MARCHF11: variants seen among roughly 807,000 people sequenced by gnomAD.
The protein encoded by MARCHF11 is membrane associated ring-CH-type finger 11.
Under a neutral mutation model 37.3 loss-of-function variants are expected in MARCHF11, and 29 were observed. The observed-to-expected ratio is 0.78, with a 90% confidence interval of 0.58 to 1.06. MARCHF11 has a LOEUF of 1.06. Ranked by LOEUF, MARCHF11 falls within the 50% of genes least tolerant of loss-of-function variation. The probability of loss-of-function intolerance (pLI) is 0.00; values close to 1 mark genes in which losing one functional copy is unlikely to be tolerated. For missense variants in MARCHF11, 482 were observed against 533.4 expected, an observed-to-expected ratio of 0.90 and a Z score of 0.95; for synonymous variants, 233 against 228.0, an observed-to-expected ratio of 1.02 and a Z score of -0.20.
rs56782867 is a variant in MARCHF11 at position 16,085,939 on chromosome 5, C to CAAAAAAAAAAAAA, written c.886+4937_886+4949dup. ...TGGGCGAAAGAGCAAGACTCCATCTCAAAAAAAAAAAAAAAAAAAAAAAAA... is the reference window on the plus strand; with the variant it reads ...TGGGCGAAAGAGCAAGACTCCATCTCAAAAAAAAAAAAAAAAAAAAAAAAAAAAAAAAAAAAAA... On this transcript the variant is annotated intron_variant, in intron 3 of 3. Coordinates refer to ENST00000332432, the MANE Select transcript of MARCHF11 (RefSeq NM_001102562.3). 7.3e-4 allele frequency among the ~76,000 whole-genome samples: 30 copies of CAAAAAAAAAAAAA among 40,974 alleles called. 4 individuals are homozygous for CAAAAAAAAAAAAA. The highest frequency in any genetic ancestry group is 1.2e-3 in the Non-Finnish European group (25 of 21,444). 26.9% of individuals were successfully genotyped at this position (40,974 alleles called of 152,430 possible).
At chr5:16,089,539 T>G (rs1395036220) in intron 3 of MARCHF11, among the ~76,000 whole-genome samples, 1 of 151,796 alleles carries the variant, frequency 6.6e-6, no homozygotes, top group Non-Finnish European at 1.5e-5. Flanking sequence ...CTTTCTGGCC[T>G]GAAATTTGAT....
chr5:16,113,883 T>C (rs913748339), intron 2 of MARCHF11, among the ~76,000 whole-genome samples: 1 of 152,204 alleles, frequency 6.6e-6, no homozygotes, highest in African/African-American at 2.4e-5. Context: ...ATTTCTTCTA[T>C]CTAACTGTAT....
chr5:16,135,880 T>TAA (rs11345766), intron 2 of MARCHF11, among the ~76,000 whole-genome samples: 72 of 119,680 alleles, frequency 6.0e-4, no homozygotes, highest in African/African-American at 2.0e-3. Flanking sequence ...GAAAGAGATT[T>TAA]AAAAAAAAAA....
intron 3 of MARCHF11, among the ~76,000 whole-genome samples, chr5:16,082,171 A>C (rs887574114): frequency 1.3e-5 from 2 of 152,180 alleles, no homozygotes; most frequent in Non-Finnish European, 2.9e-5. Context: ...GGGCTTTCCC[A>C]GTATGTGCTC....
At chr5:16,133,100 A>C (rs942624663) in intron 2 of MARCHF11, among the ~76,000 whole-genome samples, 1 of 152,080 alleles carries the variant, frequency 6.6e-6, no homozygotes, top group African/African-American at 2.4e-5. Context: ...CCTACTGTGG[A>C]AGATTGAAAA....
chr5:16,109,819 T>G (rs1018831381), intron 2 of MARCHF11, among the ~76,000 whole-genome samples: 2 of 152,186 alleles, frequency 1.3e-5, no homozygotes, highest in Non-Finnish European at 2.9e-5. Context: ...AGAATTGAGT[T>G]GTGCACACGG....
At chr5:16,107,683 GC>G (rs1258064026) in intron 2 of MARCHF11, among the ~76,000 whole-genome samples, 4 of 151,808 alleles carry the variant, frequency 2.6e-5, no homozygotes, top group Non-Finnish European at 5.9e-5. Flanking sequence ...TTGCCTTTTG[GC>G]CGATCACGCC....
At chr5:16,163,398 G>A (rs1387343514) in intron 2 of MARCHF11, among the ~76,000 whole-genome samples, 3 of 151,930 alleles carry the variant, frequency 2.0e-5, no homozygotes, top group African/African-American at 4.8e-5. Flanking sequence ...ATCTCAGACA[G>A]CACATATTCA....
chr5:16,173,298 A>T (rs1738302425), intron 2 of MARCHF11, among the ~76,000 whole-genome samples: 1 of 152,160 alleles, frequency 6.6e-6, no homozygotes, highest in Non-Finnish European at 1.5e-5. Flanking sequence ...CAGAAATCTC[A>T]GACTTCTCTG....
At position 16,143,162 on chromosome 5, in the gene MARCHF11, C is replaced by T. The variant is rs74983637; in HGVS notation, c.693+34564G>A. Among the ~76,000 whole-genome samples, 684 of 152,218 alleles carry T rather than the reference C, an allele frequency of 4.5e-3. 1 individual carries two copies. The highest frequency in any genetic ancestry group is 7.0e-3 in the Non-Finnish European group (474 of 68,008). Reference sequence around the variant, plus strand: ...TTCATTTCTTTACTGGCCCTTGGCTCTTCATTCTGTTTGAAGCCCTTGTAT... The same window carrying T: ...TTCATTTCTTTACTGGCCCTTGGCTTTTCATTCTGTTTGAAGCCCTTGTAT... On this transcript the variant is annotated intron_variant, in intron 2 of 3. Coordinates refer to ENST00000332432, the MANE Select transcript of MARCHF11 (RefSeq NM_001102562.3).
chr5:16,167,157 C>T (rs560722902), intron 2 of MARCHF11, among the ~76,000 whole-genome samples: 4 of 149,342 alleles, frequency 2.7e-5, no homozygotes, highest in African/African-American at 9.8e-5. Context: ...TGTATACACA[C>T]GTGTGTGTGT....
chr5:16,179,763 C>A lies in MARCHF11; in HGVS notation c.-188G>T, dbSNP rs1347538999. On this transcript the variant is annotated 5_prime_UTR_variant, in exon 1 of 4. Transcript: ENST00000332432. Reference sequence around the variant, plus strand: ...GCAGCTGCGGCGGCGGCAGGCGCGGCCGTTCGGTGGAGCCGCCGGCTCGGC... The same window carrying A: ...GCAGCTGCGGCGGCGGCAGGCGCGGACGTTCGGTGGAGCCGCCGGCTCGGC... 7 of 284,114 alleles carry A rather than the reference C, an allele frequency of 2.5e-5. No homozygotes were observed. Among genetic ancestry groups the A allele is most frequent in the Non-Finnish European group, 4.3e-5 (7 of 164,320 alleles). The allele number at this position is 284,114 out of a possible 1,614,324, so 17.6% of individuals were successfully genotyped here. A position where few individuals can be genotyped will look rare whatever the true frequency, so the allele number is the denominator to read the frequency against.
intron 2 of MARCHF11, among the ~76,000 whole-genome samples, chr5:16,098,304 A>G (rs1736903722): frequency 6.6e-6 from 1 of 152,190 alleles, no homozygotes; most frequent in African/African-American, 2.4e-5. Flanking sequence ...TGGGTGTCCT[A>G]CTCAATGCAA....
chr5:16,179,635 G>A lies in MARCHF11; in HGVS notation c.-60C>T. On this transcript the variant is annotated 5_prime_UTR_variant, in exon 1 of 4. Coordinates refer to ENST00000332432, the MANE Select transcript of MARCHF11 (RefSeq NM_001102562.3). ...TGGCGGGCCGGGCTCTGGCTGCAGG[G>A]AAAGAGAGCGCGGAGGGGGCGGGAG... 5 of 980,670 alleles carry A rather than the reference G, an allele frequency of 5.1e-6. No individual in the cohort carries two copies. The highest frequency in any genetic ancestry group is 6.1e-6 in the Non-Finnish European group (5 of 825,124). 60.7% of individuals were successfully genotyped at this position (980,670 alleles called of 1,614,324 possible).
intron 2 of MARCHF11, among the ~76,000 whole-genome samples, chr5:16,166,130 G>GCCA (rs1560994012): frequency 6.6e-6 from 1 of 152,042 alleles, no homozygotes; most frequent in Admixed American, 6.6e-5. Flanking sequence ...AGTCACTGGC[G>GCCA]GTTCTTCCAG....
At chr5:16,111,157 G>A (rs1048461071) in intron 2 of MARCHF11, among the ~76,000 whole-genome samples, 1 of 152,144 alleles carries the variant, frequency 6.6e-6, no homozygotes, top group African/African-American at 2.4e-5. Context: ...CAGTAAATTG[G>A]TACTGGTAGA....
At chr5:16,155,879 A>G (rs1016945142) in intron 2 of MARCHF11, among the ~76,000 whole-genome samples, 1 of 151,926 alleles carries the variant, frequency 6.6e-6, no homozygotes, top group Non-Finnish European at 1.5e-5. Context: ...TGAGCTCACC[A>G]AAAGTTCAGC....
chr5:16,148,305 A>G (rs183127115), intron 2 of MARCHF11, among the ~76,000 whole-genome samples: 1 of 152,248 alleles, frequency 6.6e-6, no homozygotes, highest in Admixed American at 6.5e-5. Flanking sequence ...TCATAAACGG[A>G]ACATATTTCA....
intron 2 of MARCHF11, among the ~76,000 whole-genome samples, chr5:16,106,215 G>A (rs1022745813): frequency 1.3e-5 from 2 of 152,158 alleles, no homozygotes; most frequent in African/African-American, 2.4e-5. Context: ...GAGGCTCCAA[G>A]AAGGGGGAAT....
Sources: gnomAD v4.1 joint callset for allele counts (sites outside exome capture counted in the v4.1 genomes callset) on GRCh38, gnomAD v4.1.1 for gene constraint, MANE v1.5 for transcripts, NCBI Gene and HGNC (gene_info 2026-07-23, HGNC 2026-07-21) for gene names.